The following KIT variants were observed in gnomAD, a reference collection of about 807,000 sequenced individuals.
The protein encoded by KIT is KIT proto-oncogene, receptor tyrosine kinase.
Under a neutral mutation model 105.7 loss-of-function variants are expected in KIT, and 16 were observed. The observed-to-expected ratio is 0.15, with a 90% confidence interval of 0.10 to 0.23. The LOEUF (loss-of-function observed/expected upper bound fraction) is 0.23. KIT is among the 10% of genes least tolerant of loss of function. KIT has a pLI of 1.00. For synonymous variants in KIT, 438 were observed against 441.1 expected (o/e 0.99, Z 0.09); for missense variants, 858 against 1,213.8 (o/e 0.71, Z 4.36).
chr4:54,698,419 A>T lies in KIT; in HGVS notation c.473A>T (p.Lys158Met), dbSNP rs775817289. 11 of 1,614,068 alleles carry T rather than the reference A, an allele frequency of 6.8e-6. No individual in the cohort carries two copies. The highest frequency in any genetic ancestry group is 9.3e-6 in the Non-Finnish European group (11 of 1,180,036). The change falls in exon 3 of 21, where the codon AAG becomes ATG. Residue 158 changes from lysine to methionine, a missense_variant. By Grantham distance (95) the Lys-to-Met change is moderately conservative. Around this residue, in one of 7 missense-constraint regions of KIT, gnomAD observed 401 missense variants for 601.0 expected, o/e 0.67. Coordinates refer to ENST00000288135, the MANE Select transcript of KIT (RefSeq NM_000222.3). ...LKGCQGKPLP[K>M]DLRFIPDPKA... ...GGGTGCCAGGGGAAGCCTCTTCCCAAGGACTTGAGGTTTATTCCTGACCCC... is the reference window on the plus strand; with the variant it reads ...GGGTGCCAGGGGAAGCCTCTTCCCATGGACTTGAGGTTTATTCCTGACCCC...
chr4:54,721,688 T>C (rs759371464), intron 7 of KIT, among the ~76,000 whole-genome samples: 3 of 152,206 alleles, frequency 2.0e-5, no homozygotes, highest in Non-Finnish European at 4.4e-5. Context: ...GCTGAGAGGT[T>C]ATTCTACAAA....
At chr4:54,675,404 A>T (rs113522499) in intron 1 of KIT, among the ~76,000 whole-genome samples, 138 of 152,348 alleles carry the variant, frequency 9.1e-4, no homozygotes, top group Middle Eastern at 3.4e-3. Context: ...AATTCTTTGC[A>T]AAGGGAAACA....
At chr4:54,729,511 A>G (rs370728428) in intron 14 of KIT, 26 bp downstream of exon 14, 3 of 1,610,418 alleles carry the variant, frequency 1.9e-6, no homozygotes, top group Non-Finnish European at 2.5e-6. Flanking sequence ...ATAAATAGTT[A>G]GCTGTTGACA....
At position 54,682,419 on chromosome 4, in the gene KIT, T is replaced by C. The variant is rs565525636; in HGVS notation, c.68-13093T>C. On this transcript the variant is annotated intron_variant, in intron 1 of 20. Coordinates refer to ENST00000288135, the MANE Select transcript of KIT (RefSeq NM_000222.3). Reference sequence around the variant, plus strand: ...CTGAATTTTTATTAATGTAAGAGATTTCTTTGTCTTTTTTTTCTTTTTTTT... The same window carrying C: ...CTGAATTTTTATTAATGTAAGAGATCTCTTTGTCTTTTTTTTCTTTTTTTT... Among the ~76,000 whole-genome samples the C allele has an allele frequency of 3.9e-5, 6 of 152,094 alleles. No homozygotes were observed. In the East Asian group the frequency reaches 1.2e-3, roughly 29 times the overall value.
intron 7 of KIT, among the ~76,000 whole-genome samples, chr4:54,714,944 G>A (rs1721376630): frequency 6.6e-6 from 1 of 152,152 alleles, no homozygotes; most frequent in Non-Finnish European, 1.5e-5. Context: ...CCAAGTGACT[G>A]CTGAAGTGCA....
intron 7 of KIT, among the ~76,000 whole-genome samples, chr4:54,718,219 G>A (rs537039156): frequency 1.3e-5 from 2 of 152,250 alleles, no homozygotes; most frequent in Admixed American, 1.3e-4. Context: ...TCCTGCCTCA[G>A]CCTCCCGAGT....
chr4:54,659,245 A>G (rs939554100), intron 1 of KIT, among the ~76,000 whole-genome samples: 3 of 152,100 alleles, frequency 2.0e-5, no homozygotes, highest in Non-Finnish European at 4.4e-5. Context: ...TCCGCGCGGG[A>G]ACTGGGTCTT....
intron 1 of KIT, among the ~76,000 whole-genome samples, chr4:54,671,265 C>T (rs1360088106): frequency 6.6e-6 from 1 of 152,156 alleles, no homozygotes; most frequent in African/African-American, 2.4e-5. Context: ...TCCATCAATT[C>T]TTGGGCACTG....
chr4:54,690,791 C>T (rs1055853342), intron 1 of KIT, among the ~76,000 whole-genome samples: 2 of 152,100 alleles, frequency 1.3e-5, no homozygotes, highest in African/African-American at 4.8e-5. Context: ...TCTCTTAATA[C>T]GAACCTCTAC....
intron 1 of KIT, among the ~76,000 whole-genome samples, chr4:54,661,193 C>T (rs1350856466): frequency 6.6e-6 from 1 of 152,142 alleles, no homozygotes; most frequent in Non-Finnish European, 1.5e-5. Context: ...AGAACACCCC[C>T]AATAATGGCT....
chr4:54,737,480 G>A (rs910906116), intron 20 of KIT, among the ~76,000 whole-genome samples, 200 bp downstream of exon 20: 4 of 152,156 alleles, frequency 2.6e-5, no homozygotes, highest in African/African-American at 9.7e-5. Flanking sequence ...AGCCAAAGAA[G>A]GATGTGAGAT....
At chr4:54,725,634 T>G (rs538758330) in intron 8 of KIT, among the ~76,000 whole-genome samples, 1 of 152,270 alleles carries the variant, frequency 6.6e-6, no homozygotes, top group South Asian at 2.1e-4. Flanking sequence ...TCATCAGGAT[T>G]CAAACCCGCA....
chr4:54,695,440 A>G, intron 1 of KIT, 72 bp from the exon 2 acceptor site: 14 of 1,499,952 alleles, frequency 9.3e-6, no homozygotes, highest in South Asian at 4.6e-5. Context: ...GATGGAACTC[A>G]GTATTGGAAG....
At chr4:54,696,884 C>G (rs1720106501) in intron 2 of KIT, among the ~76,000 whole-genome samples, 1 of 152,252 alleles carries the variant, frequency 6.6e-6, no homozygotes, top group East Asian at 1.9e-4. Flanking sequence ...AATCCATGTG[C>G]TGTTCTTTAC....
chr4:54,695,880 T>C, intron 2 of KIT, 99 bp downstream of exon 2: 3 of 1,453,652 alleles, frequency 2.1e-6, no homozygotes, highest in Non-Finnish European at 2.9e-6. Context: ...AGATAAAATA[T>C]TTCTGGCTGG....
intron 7 of KIT, among the ~76,000 whole-genome samples, chr4:54,713,727 T>G (rs1721296359): frequency 6.6e-6 from 1 of 152,238 alleles, no homozygotes; most frequent in African/African-American, 2.4e-5. Context: ...ACATGTAAAT[T>G]TCAGTATAGT....
In KIT at chr4:54,740,568, A is replaced by G; in HGVS notation, c.*2011A>G. The stretch of plus-strand genomic sequence containing the variant: ...CCCAAGCCCATGAGTCCTTGAAAAT[A>G]TTTTTTATATATACAGTAACTTTAT... On this transcript the variant is annotated 3_prime_UTR_variant, in exon 21 of 21. Transcript: ENST00000288135. The G allele has an allele frequency of 4.3e-6, 1 of 233,018 alleles. No individual in the cohort carries two copies. Among genetic ancestry groups the G allele is most frequent in the Non-Finnish European group, 8.5e-6 (1 of 117,688 alleles). 14.4% of individuals were successfully genotyped at this position (233,018 alleles called of 1,614,324 possible).
intron 17 of KIT, among the ~76,000 whole-genome samples, chr4:54,735,740 C>T (rs998664053): frequency 7.2e-5 from 11 of 152,182 alleles, no homozygotes; most frequent in Non-Finnish European, 2.9e-5. Flanking sequence ...ATTTTAGTGA[C>T]TTTCCCAGTG....
chr4:54,723,091 A>G (rs1023898859), intron 7 of KIT, among the ~76,000 whole-genome samples: 25 of 152,142 alleles, frequency 1.6e-4, no homozygotes, highest in African/African-American at 5.3e-4. Context: ...ACCCCCAAAA[A>G]GGAGAAAATT....
Sources: gnomAD v4.1 joint callset for allele counts (sites outside exome capture counted in the v4.1 genomes callset) on GRCh38, gnomAD v4.1.1 for gene constraint, gnomAD v4.1.1 regional missense constraint, MANE v1.5 for transcripts, NCBI Gene and HGNC (gene_info 2026-07-23, HGNC 2026-07-21) for gene names.